ZNF367: variants seen among roughly 807,000 people sequenced by gnomAD.
ZNF367 encodes zinc finger protein 367, also known as C2H2 zinc finger protein ZFF29.
In ZNF367, 11 loss-of-function variants were observed where a neutral mutation model predicts 31.8. The ratio of observed to expected loss-of-function variants is 0.35; its 90% CI spans 0.22 to 0.57. The LOEUF (loss-of-function observed/expected upper bound fraction) is 0.57, where lower values mean the gene tolerates loss of function less well. Among genes scored for constraint, ZNF367 ranks in the 20% least tolerant of loss-of-function variants. The pLI is 0.85. For missense variants in ZNF367, 353 were observed against 484.1 expected, an observed-to-expected ratio of 0.73 and a Z score of 2.54; for synonymous variants, 199 against 202.4, an observed-to-expected ratio of 0.98 and a Z score of 0.14.
At chr9:96,413,779 G>A (rs1396884658) in intron 1 of ZNF367, among the ~76,000 whole-genome samples, 1 of 152,158 alleles carries the variant, frequency 6.6e-6, no homozygotes, top group Non-Finnish European at 1.5e-5. Flanking sequence ...GGCAGTGTTG[G>A]GCAGGAACAA....
chr9:96,398,403 CT>C (rs1293519870), intron 1 of ZNF367, 89 bp from the exon 2 acceptor site: 8 of 1,275,520 alleles, frequency 6.3e-6, no homozygotes, highest in Non-Finnish European at 8.5e-6. Flanking sequence ...AAAAATCTTT[CT>C]TGGGAGCTGG....
At position 96,388,045 on chromosome 9, in the gene ZNF367, G is replaced by T; in HGVS notation, c.*192C>A. The T allele has an allele frequency of 1.7e-6, 1 of 578,264 alleles. No homozygotes were observed. Among genetic ancestry groups the T allele is most frequent in the Non-Finnish European group, 3.0e-6 (1 of 335,066 alleles). 35.8% of individuals were successfully genotyped at this position (578,264 alleles called of 1,614,324 possible). On this transcript the variant is annotated 3_prime_UTR_variant, in exon 5 of 5. Transcript: ENST00000375256. Reference sequence around the variant, plus strand: ...ATTTACAAAATATTTTAAACTTTACGATGAATTCATTTCCATATTAAAAAA... The same window carrying T: ...ATTTACAAAATATTTTAAACTTTACTATGAATTCATTTCCATATTAAAAAA...
intron 2 of ZNF367, among the ~76,000 whole-genome samples, chr9:96,396,567 G>A (rs530841600): frequency 6.6e-6 from 1 of 152,160 alleles, no homozygotes; most frequent in East Asian, 1.9e-4. Flanking sequence ...AGGGGACTGA[G>A]GGTTACAGGC....
In ZNF367 at chr9:96,388,044, C is replaced by T. The variant is rs989175686; in HGVS notation, c.*193G>A. 6.9e-6 allele frequency: 4 copies of T among 579,854 alleles called. No individual in the cohort carries two copies. The highest frequency in any genetic ancestry group is 5.3e-5 in the South Asian group (2 of 37,480). The allele number at this position is 579,854 out of a possible 1,614,324, so 35.9% of individuals were successfully genotyped here. The stretch of plus-strand genomic sequence containing the variant: ...TATTTACAAAATATTTTAAACTTTA[C>T]GATGAATTCATTTCCATATTAAAAA... On this transcript the variant is annotated 3_prime_UTR_variant, in exon 5 of 5. Transcript: ENST00000375256.
chr9:96,417,650 T>C lies in ZNF367; in HGVS notation c.383A>G (p.Glu128Gly). 2 of 924,620 alleles carry C rather than the reference T, an allele frequency of 2.2e-6. No individual in the cohort carries two copies. Among genetic ancestry groups the C allele is most frequent in the Non-Finnish European group, 2.8e-6 (2 of 715,712 alleles). The allele number at this position is 924,620 out of a possible 1,614,324, so 57.3% of individuals were successfully genotyped here. The change falls in exon 1 of 5, where the codon GAG (glutamate) becomes GGG (glycine). Residue 128 changes from glutamate (E) to glycine (G), a missense_variant. Around this residue, in one of 5 missense-constraint regions of ZNF367, gnomAD observed 70 missense variants for 57.1 expected, o/e 1.23. Coordinates refer to ENST00000375256, the MANE Select transcript of ZNF367 (RefSeq NM_153695.4). This position sits in a 1 kb window ranked among gnomAD's most constrained non-coding sequence, Gnocchi z 5.0. ...ASAAASGGED[E>G]EEASSPDSGH... is the part of the protein sequence containing the mutation. The stretch of plus-strand genomic sequence containing the variant: ...GCTGTCTGGGCTGCTCGCTTCCTCC[T>C]CGTCCTCACCTCCCGAGGCGGCGGC...
intron 1 of ZNF367, among the ~76,000 whole-genome samples, chr9:96,405,584 C>T (rs1831662987): frequency 6.6e-6 from 1 of 151,654 alleles, no homozygotes; most frequent in African/African-American, 2.4e-5. Flanking sequence ...TATACATACA[C>T]AATGGAATAT....
intron 4 of ZNF367, 124 bp from the exon 5 acceptor site, chr9:96,388,583 G>C: frequency 2.2e-6 from 2 of 903,112 alleles, no homozygotes; most frequent in Non-Finnish European, 3.3e-6. Flanking sequence ...AAGTTATAAA[G>C]TGATTTAACA....
rs1200058017 is a variant in ZNF367 at position 96,392,535 on chromosome 9, G to A, written c.693C>T (p.Gly231=). Residue 231 remains glycine, a splice_region_variant and synonymous_variant, in exon 4 of 5, where the codon GGC becomes GGT. Coordinates refer to ENST00000375256, the MANE Select transcript of ZNF367 (RefSeq NM_153695.4). ...GEKPFVCSEN[G]CLSRFTHANR... is the part of the protein sequence containing the mutation. ...TTGCATGGGTGAATCTGCTCAGGCAGCCTTCAAAACACAAGGTTAACACCT... is the reference window on the plus strand; with the variant it reads ...TTGCATGGGTGAATCTGCTCAGGCAACCTTCAAAACACAAGGTTAACACCT... 6.2e-7 allele frequency: 1 copy of A among 1,600,896 alleles called. No homozygotes were observed. Among genetic ancestry groups the A allele is most frequent in the African/African-American group, 1.3e-5 (1 of 74,704 alleles).
chr9:96,401,123 G>A (rs1831598034), intron 1 of ZNF367, among the ~76,000 whole-genome samples: 1 of 152,140 alleles, frequency 6.6e-6, no homozygotes, highest in South Asian at 2.1e-4. Flanking sequence ...CTACTCAGGA[G>A]GCTGAGGAAG....
chr9:96,402,286 G>C (rs571200146), intron 1 of ZNF367, among the ~76,000 whole-genome samples: 1 of 151,964 alleles, frequency 6.6e-6, no homozygotes, highest in East Asian at 1.9e-4. Context: ...CAAAAGAAAA[G>C]AAGAAAGAAC....
rs368981887 is a variant in ZNF367, at chr9:96,409,443, T to C, written c.420+8170A>G. 7.9e-5 allele frequency among the ~76,000 whole-genome samples: 12 copies of C among 152,286 alleles called. No homozygotes were observed. The East Asian group carries it at 2.3e-3, about 29-fold the overall frequency. The stretch of plus-strand genomic sequence containing the variant: ...CTCCCAGGACACATAACATGAGCCA[T>C]GTTGAGGCTGAGATTGCCATCTTGA... On this transcript the variant is annotated intron_variant, in intron 1 of 4. Transcript: ENST00000375256.
At chr9:96,403,112 G>C (rs935137385) in intron 1 of ZNF367, among the ~76,000 whole-genome samples, 1 of 151,984 alleles carries the variant, frequency 6.6e-6, no homozygotes, top group African/African-American at 2.4e-5. Context: ...TGGGACTATA[G>C]GTGTGTGCCA....
chr9:96,388,450 T>C lies in ZNF367; in HGVS notation c.840A>G (p.Glu280=), dbSNP rs530803557. 1.9e-6 allele frequency: 3 copies of C among 1,613,256 alleles called. No homozygotes were observed. The highest frequency in any genetic ancestry group is 2.2e-5 in the South Asian group (2 of 90,970). The change falls in exon 5 of 5, where the codon GAA becomes GAG. Residue 280 remains glutamate (E), a synonymous_variant. Transcript: ENST00000375256. ...AAGTGGGGGTGCGCTGCTCTCTCAT[T>C]TCCCAATACCTATGTGAAATGCAGC... is the stretch of plus-strand genomic sequence containing the variant. ...AAAEWLARYW[E]MREQRTPTLK... is the part of the protein sequence containing the mutation.
chr9:96,399,773 G>A (rs958524071), intron 1 of ZNF367, among the ~76,000 whole-genome samples: 1 of 152,028 alleles, frequency 6.6e-6, no homozygotes, highest in East Asian at 1.9e-4. Context: ...AGCTGAGATC[G>A]CGCCACTGCA....
Position 96,388,193 on chromosome 9 carries a change from A to G in ZNF367, c.*44T>C, listed in dbSNP as rs747419311. 5.1e-6 allele frequency: 8 copies of G among 1,554,082 alleles called. No homozygotes were observed. The highest frequency in any genetic ancestry group is 3.5e-6 in the Non-Finnish European group (4 of 1,146,468). ...ATGCCCAAGGATCTACTTTTTAAGT[A>G]TGCTGGGCAGTACTTTTGTACAGTG... On this transcript the variant is annotated 3_prime_UTR_variant, in exon 5 of 5. Transcript: ENST00000375256.
intron 1 of ZNF367, 72 bp from the exon 2 acceptor site, chr9:96,398,386 A>G: frequency 7.2e-7 from 1 of 1,397,302 alleles, no homozygotes; most frequent in Non-Finnish European, 9.7e-7. Context: ...ATCATAATAT[A>G]ACTTTCAAAA....
At chr9:96,392,887 C>T (rs1831488274) in intron 3 of ZNF367, among the ~76,000 whole-genome samples, 1 of 152,144 alleles carries the variant, frequency 6.6e-6, no homozygotes, top group African/African-American at 2.4e-5. Context: ...GAGCTAGAGA[C>T]CAACCTGGCC....
Position 96,417,443 on chromosome 9 carries a change from C to CA in ZNF367, c.420+169_420+170insT, listed in dbSNP as rs1393228400. On this transcript the variant is annotated intron_variant, in intron 1 of 4. Transcript: ENST00000375256. The surrounding 1 kb of genome is among the most constrained non-coding windows in gnomAD (Gnocchi z 5.0). ...CCCGCCTGTCACGTGACAGGCCCCCCCCGACTGGGGCCGGTTTTTGGCGCG... is the reference window on the plus strand; with the variant it reads ...CCCGCCTGTCACGTGACAGGCCCCCCACCGACTGGGGCCGGTTTTTGGCGCG... 7.5e-6 allele frequency among the ~76,000 whole-genome samples: 1 copy of CA among 132,706 alleles called. No individual in the cohort carries two copies. The highest frequency in any genetic ancestry group is 1.5e-5 in the Non-Finnish European group (1 of 64,658). The allele number at this position is 132,706 out of a possible 152,430, so 87.1% of individuals were successfully genotyped here.
At chr9:96,400,625 G>C (rs188115980) in intron 1 of ZNF367, among the ~76,000 whole-genome samples, 7 of 151,938 alleles carry the variant, frequency 4.6e-5, no homozygotes, top group Non-Finnish European at 1.5e-5. Context: ...CTTGAAGATA[G>C]GTCAGTTGAA....
Sources: gnomAD v4.1 joint callset for allele counts (sites outside exome capture counted in the v4.1 genomes callset) on GRCh38, gnomAD v4.1.1 for gene constraint, gnomAD v4.1.1 regional missense constraint, Gnocchi (gnomAD v3.1) non-coding constraint, MANE v1.5 for transcripts, NCBI Gene and HGNC (gene_info 2026-07-23, HGNC 2026-07-21) for gene names.